VAT1: variants seen among roughly 807,000 people sequenced by gnomAD.
The protein encoded by VAT1 is vesicle amine transport 1, also known as NADPH-dependent quinone oxidoreductase VAT1.
Under a neutral mutation model 33.3 loss-of-function variants are expected in VAT1, and 24 were observed. The observed-to-expected ratio is 0.72, with a 90% CI of 0.52 to 1.01. The LOEUF is 1.01. Among genes scored for constraint, VAT1 ranks in the 50% least tolerant of loss-of-function variants. The probability of loss-of-function intolerance (pLI) is 0.00; values close to 1 mark genes in which losing one functional copy is unlikely to be tolerated. For synonymous variants in VAT1, 212 were observed against 225.0 expected (o/e 0.94, Z 0.52); for missense variants, 436 against 533.7 (o/e 0.82, Z 1.80).
At chr17:43,019,618 G>C (rs1229385580) in intron 1 of VAT1, 1 of 152,398 alleles carries the variant, frequency 6.6e-6, no homozygotes, top group African/African-American at 2.4e-5. Flanking sequence ...GCAGTAAAAG[G>C]CTTCCCCCCC....
Position 43,015,819 on chromosome 17 carries a change from G to T in VAT1, c.*242C>A. 5.2e-6 allele frequency: 3 copies of T among 578,222 alleles called. No homozygotes were observed. The South Asian group carries it at 6.1e-5, about 12-fold the overall frequency. The allele number at this position is 578,222 out of a possible 1,614,324, so 35.8% of individuals were successfully genotyped here. A position where few individuals can be genotyped will look rare whatever the true frequency, so the allele number is the denominator to read the frequency against. ...AAAGGGTGGGGGCAGGAAGCAGCCG[G>T]CCTCCCTCTGACCCTCCCTGTCGCC... On this transcript the variant is annotated 3_prime_UTR_variant, in exon 6 of 6. Coordinates refer to ENST00000355653, the MANE Select transcript of VAT1 (RefSeq NM_006373.4).
At chr17:43,021,192 C>T (rs1597785256) in intron 1 of VAT1, among the ~76,000 whole-genome samples, 2 of 152,214 alleles carry the variant, frequency 1.3e-5, no homozygotes, top group East Asian at 1.9e-4. Context: ...CAAGGGCAGC[C>T]CCGGGTCGTG....
intron 3 of VAT1, 33 bp from the exon 4 acceptor site, chr17:43,017,963 T>A (rs1001523273): frequency 6.2e-7 from 1 of 1,613,840 alleles, no homozygotes; most frequent in Non-Finnish European, 8.5e-7. Context: ...AAGAACAACA[T>A]TAGGATCCAC....
chr17:43,021,057 G>A (rs1163762802), intron 1 of VAT1, among the ~76,000 whole-genome samples: 1 of 152,166 alleles, frequency 6.6e-6, no homozygotes, highest in African/African-American at 2.4e-5. Context: ...TGGCCAACCA[G>A]TTCAAGGCGC....
chr17:43,020,865 A>C (rs1335518752), intron 1 of VAT1, among the ~76,000 whole-genome samples: 11 of 142,326 alleles, frequency 7.7e-5, no homozygotes, highest in African/African-American at 3.0e-4. Context: ...ACAAGAGCGA[A>C]ACTCCGTCTA....
Position 43,018,702 on chromosome 17 carries a change from G to C in VAT1, c.485C>G (p.Thr162Ser), listed in dbSNP as rs1235016447. ...VQTFLIPEAM[T>S]FEEAAALLVN... is the part of the protein sequence containing the mutation. ...GAGCAAGGCAGCAGCTTCCTCAAAGGTCATGGCCTCAGGAATCAGGAAGGT... is the reference window on the plus strand; with the variant it reads ...GAGCAAGGCAGCAGCTTCCTCAAAGCTCATGGCCTCAGGAATCAGGAAGGT... The change falls in exon 2 of 6, where the codon ACC (threonine) becomes AGC (serine). Residue 162 changes from threonine to serine, a missense_variant. Transcript: ENST00000355653. The C allele has an allele frequency of 6.2e-7, 1 of 1,614,020 alleles. No individual in the cohort carries two copies. The highest frequency in any genetic ancestry group is 8.5e-7 in the Non-Finnish European group (1 of 1,180,030).
rs183201937 is a variant in VAT1 at position 43,018,790 on chromosome 17, G to C, written c.397C>G (p.Arg133Gly). ...CCTGACCGGTTCAACACCATCACCC[G>C]GTCTCCTGCCTTGAAGAACAGAAGA... ...EGVSDRKAGD[R>G]VMVLNRSGMW... Residue 133 changes from arginine (R) to glycine (G), a missense_variant, in exon 2 of 6, where the codon CGG becomes GGG. Physicochemically the swap from Arg to Gly is moderately radical, Grantham distance 125. Coordinates refer to ENST00000355653, the MANE Select transcript of VAT1 (RefSeq NM_006373.4). 3 of 1,613,980 alleles carry C rather than the reference G, an allele frequency of 1.9e-6. No individual in the cohort carries two copies. In the African/African-American group the frequency reaches 4.0e-5, roughly 22 times the overall value.
intron 1 of VAT1, among the ~76,000 whole-genome samples, chr17:43,020,799 C>A (rs1185038804): frequency 2.7e-5 from 4 of 150,116 alleles, no homozygotes; most frequent in Non-Finnish European, 5.9e-5. Context: ...CGCTTGAACC[C>A]GGGAGGCAGA....
intron 1 of VAT1, among the ~76,000 whole-genome samples, chr17:43,020,510 G>A (rs563696882): frequency 1.3e-5 from 2 of 152,256 alleles, no homozygotes; most frequent in East Asian, 1.9e-4. Context: ...CAACAAACCT[G>A]GCTCCAGAAT....
In VAT1 at chr17:43,015,941, C is replaced by T; in HGVS notation, c.*120G>A. ...GGAGAGCGGTCATCACCACAGAGACCTTCGGGGGAGGGAGGGCAGAGCATT... is the reference window on the plus strand; with the variant it reads ...GGAGAGCGGTCATCACCACAGAGACTTTCGGGGGAGGGAGGGCAGAGCATT... On this transcript the variant is annotated 3_prime_UTR_variant, in exon 6 of 6. Transcript: ENST00000355653. The T allele has an allele frequency of 8.4e-7, 1 of 1,194,696 alleles. No homozygotes were observed. The allele number at this position is 1,194,696 out of a possible 1,614,324, so 74.0% of individuals were successfully genotyped here.
chr17:43,019,005 G>A lies in VAT1; in HGVS notation c.388-206C>T, dbSNP rs139824139. 1.1e-4 allele frequency: 68 copies of A among 607,424 alleles called. No individual in the cohort carries two copies. In the African/African-American group the frequency reaches 1.2e-3, roughly 11 times the overall value. 37.6% of individuals were successfully genotyped at this position (607,424 alleles called of 1,614,324 possible). On this transcript the variant is annotated intron_variant, in intron 1 of 5. Transcript: ENST00000355653. ...TGAGTGCTGACTGAGGGCCGAGCCC[G>A]ATTTCAAGTGCTTTATATATAATGC... is the stretch of plus-strand genomic sequence containing the variant.
chr17:43,022,238 G>T lies in VAT1; in HGVS notation c.85C>A (p.Pro29Thr). The T allele has an allele frequency of 6.3e-7, 1 of 1,576,738 alleles. No individual in the cohort carries two copies. Residue 29 changes from proline (P) to threonine (T), a missense_variant, in exon 1 of 6, where the codon CCC becomes ACC. This residue lies in a region of VAT1 where 154 missense variants were observed against 128.3 expected (regional missense o/e 1.20). Transcript: ENST00000355653. ...CCTTCGGAGGCCGCGGGATGCTGGGGGTCGCTCGCTGCCTCGGTTTTCGGA... is the reference window on the plus strand; with the variant it reads ...CCTTCGGAGGCCGCGGGATGCTGGGTGTCGCTCGCTGCCTCGGTTTTCGGA... The part of the protein sequence containing the change: ...PPPKTEAASD[P>T]QHPAASEGAA...
chr17:43,014,784 C>A lies in VAT1; in HGVS notation c.*1277G>T, dbSNP rs1448036079. 1 of 153,944 alleles carries A rather than the reference C, an allele frequency of 6.5e-6. No homozygotes were observed. The highest frequency in any genetic ancestry group is 1.4e-5 in the Non-Finnish European group (1 of 68,976). The allele number at this position is 153,944 out of a possible 1,614,324, so 9.5% of individuals were successfully genotyped here. A position where few individuals can be genotyped will look rare whatever the true frequency, so the allele number is the denominator to read the frequency against. On this transcript the variant is annotated 3_prime_UTR_variant, in exon 6 of 6. Transcript: ENST00000355653. Reference sequence around the variant, plus strand: ...GTTGGGGCAATAACCCTCCCTAATCCTAGCTCAGTGAGTAGAGGGAGTGAC... The same window carrying A: ...GTTGGGGCAATAACCCTCCCTAATCATAGCTCAGTGAGTAGAGGGAGTGAC...
In VAT1 at chr17:43,015,955, G is replaced by C; in HGVS notation, c.*106C>G. ...ACCACAGAGACCTTCGGGGGAGGGAGGGCAGAGCATTATGACAGAGGCTGA... is the reference window on the plus strand; with the variant it reads ...ACCACAGAGACCTTCGGGGGAGGGACGGCAGAGCATTATGACAGAGGCTGA... On this transcript the variant is annotated 3_prime_UTR_variant, in exon 6 of 6. Coordinates refer to ENST00000355653, the MANE Select transcript of VAT1 (RefSeq NM_006373.4). 1 of 1,285,260 alleles carries C rather than the reference G, an allele frequency of 7.8e-7. No individual in the cohort carries two copies. Among genetic ancestry groups the C allele is most frequent in the Non-Finnish European group, 1.1e-6 (1 of 898,686 alleles). 79.6% of individuals were successfully genotyped at this position (1,285,260 alleles called of 1,614,324 possible). A position where few individuals can be genotyped will look rare whatever the true frequency, so the allele number is the denominator to read the frequency against.
rs771173877 is a variant in VAT1 at position 43,022,311 on chromosome 17, C to T, written c.12G>A (p.Glu4=). ...CGGTCGCTGCCTCGGCTACCTCTCTCTCGTCGGACATGGCTGGGACTCCCG... is the reference window on the plus strand; with the variant it reads ...CGGTCGCTGCCTCGGCTACCTCTCTTTCGTCGGACATGGCTGGGACTCCCG... MSD[E]REVAEAATGE... The change falls in exon 1 of 6, where the codon GAG becomes GAA. Residue 4 remains glutamate, a synonymous_variant. Transcript: ENST00000355653. 1.3e-6 allele frequency: 2 copies of T among 1,582,142 alleles called. No individual in the cohort carries two copies. Among genetic ancestry groups the T allele is most frequent in the Admixed American group, 1.7e-5 (1 of 58,854 alleles).
chr17:43,016,529 C>T lies in VAT1; in HGVS notation c.876G>A (p.Thr292=), dbSNP rs141157187. 1.2e-4 allele frequency: 189 copies of T among 1,613,298 alleles called. No homozygotes were observed. The highest frequency in any genetic ancestry group is 1.8e-4 in the Middle Eastern group (1 of 5,606). Residue 292 remains threonine, a synonymous_variant, in exon 5 of 6, where the codon ACG becomes ACA. Transcript: ENST00000355653. ...VVTYGMANLL[T]GPKRNLMALA... ...GGGCCATCAGGTTCCGTTTGGGGCC[C>T]GTCAGCAGGTTGGCCATTCCTGAAG...
chr17:43,017,877 T>G lies in VAT1; in HGVS notation c.820A>C (p.Asn274His). 6.2e-7 allele frequency: 1 copy of G among 1,614,178 alleles called. No homozygotes were observed. The highest frequency in any genetic ancestry group is 1.7e-5 in the Admixed American group (1 of 60,024). ...LGGSDTAKGY[N>H]LLKPMGKVVT... is the part of the protein sequence containing the mutation. ...ACTTTGCCCATGGGTTTCAGGAGGT[T>G]GTAGCCCTTGGCAGTATCTGACCCA... Residue 274 changes from asparagine (N) to histidine (H), a missense_variant, in exon 4 of 6, where the codon AAC becomes CAC. Coordinates refer to ENST00000355653, the MANE Select transcript of VAT1 (RefSeq NM_006373.4).
At position 43,015,833 on chromosome 17, in the gene VAT1, C is replaced by A; in HGVS notation, c.*228G>T. Reference sequence around the variant, plus strand: ...GGAAGCAGCCGGCCTCCCTCTGACCCTCCCTGTCGCCTTGGCAGGGCCCAG... The same window carrying A: ...GGAAGCAGCCGGCCTCCCTCTGACCATCCCTGTCGCCTTGGCAGGGCCCAG... On this transcript the variant is annotated 3_prime_UTR_variant, in exon 6 of 6. Coordinates refer to ENST00000355653, the MANE Select transcript of VAT1 (RefSeq NM_006373.4). The A allele has an allele frequency of 1.7e-6, 1 of 603,648 alleles. No homozygotes were observed. Among genetic ancestry groups the A allele is most frequent in the Non-Finnish European group, 2.9e-6 (1 of 339,964 alleles). The allele number at this position is 603,648 out of a possible 1,614,324, so 37.4% of individuals were successfully genotyped here.
At chr17:43,020,058 A>G in intron 1 of VAT1, 1 of 977,944 alleles carries the variant, frequency 1.0e-6, no homozygotes, top group Non-Finnish European at 1.2e-6. Flanking sequence ...CAGATACAGA[A>G]CAACCCAGGA....
Sources: gnomAD v4.1 joint callset for allele counts (sites outside exome capture counted in the v4.1 genomes callset) on GRCh38, gnomAD v4.1.1 for gene constraint, gnomAD v4.1.1 regional missense constraint, MANE v1.5 for transcripts, NCBI Gene and HGNC (gene_info 2026-07-23, HGNC 2026-07-21) for gene names.